CTNNA3: variants seen among roughly 807,000 people sequenced by gnomAD.
CTNNA3 encodes the protein catenin alpha 3.
CTNNA3 carries 76 observed loss-of-function variants against 95.7 expected under a neutral mutation model. The observed-to-expected ratio is 0.79, with a 90% CI of 0.66 to 0.96. The LOEUF (loss-of-function observed/expected upper bound fraction) is 0.96. CTNNA3 is among the 40% of genes least tolerant of loss of function. CTNNA3 has a pLI of 0.00. For synonymous variants in CTNNA3, 431 were observed against 374.4 expected, an observed-to-expected ratio of 1.15 and a Z score of -1.74; for missense variants, 1,191 against 1,089.8, an observed-to-expected ratio of 1.09 and a Z score of -1.31.
intron 4 of CTNNA3, among the ~76,000 whole-genome samples, chr10:67,524,106 A>C (rs1655273403): frequency 6.6e-6 from 1 of 152,216 alleles, no homozygotes; most frequent in Non-Finnish European, 1.5e-5. Flanking sequence ...ACACACTTGT[A>C]AAGAGTGTTC....
chr10:66,766,114 A>T, intron 9 of CTNNA3, 150 bp downstream of exon 9: 1 of 661,224 alleles, frequency 1.5e-6, no homozygotes, highest in Non-Finnish European at 2.6e-6. Flanking sequence ...ATACAATCGG[A>T]CATATACACC....
At chr10:67,443,306 T>C (rs1177360816) in intron 5 of CTNNA3, among the ~76,000 whole-genome samples, 5 of 148,652 alleles carry the variant, frequency 3.4e-5, no homozygotes, top group Non-Finnish European at 4.5e-5. Flanking sequence ...TTTGGGTATA[T>C]ACCCAGTAAT....
intron 13 of CTNNA3, among the ~76,000 whole-genome samples, chr10:66,150,029 A>G (rs2084110901): frequency 6.6e-6 from 1 of 152,148 alleles, no homozygotes; most frequent in African/African-American, 2.4e-5. Context: ...TCCACAATGA[A>G]CTTATTTTGG....
chr10:67,446,834 G>A (rs1846767314), intron 5 of CTNNA3, among the ~76,000 whole-genome samples: 1 of 152,126 alleles, frequency 6.6e-6, no homozygotes. Flanking sequence ...GGCCAGGCAT[G>A]GTGGCTCACG....
chr10:66,305,232 G>T (rs2091916118), intron 12 of CTNNA3, among the ~76,000 whole-genome samples: 2 of 152,126 alleles, frequency 1.3e-5, no homozygotes, highest in Non-Finnish European at 2.9e-5. Context: ...GTTATTAGTT[G>T]TATTACTTTT....
At chr10:66,527,804 G>A (rs933461294) in intron 10 of CTNNA3, among the ~76,000 whole-genome samples, 4 of 151,952 alleles carry the variant, frequency 2.6e-5, no homozygotes, top group Non-Finnish European at 5.9e-5. Context: ...ACTGAATTCT[G>A]TTATTAGTTT....
chr10:67,157,934 A>C (rs1013462444), intron 7 of CTNNA3, among the ~76,000 whole-genome samples: 1 of 152,338 alleles, frequency 6.6e-6, no homozygotes, highest in East Asian at 1.9e-4. Context: ...CAAAAACTGT[A>C]TAACAGTACC....
intron 13 of CTNNA3, among the ~76,000 whole-genome samples, chr10:66,127,929 G>A (rs2082900203): frequency 6.6e-6 from 1 of 152,026 alleles, no homozygotes; most frequent in South Asian, 2.1e-4. Context: ...ACAATTAGCT[G>A]GGCGTAGTGG....
chr10:66,206,842 T>C (rs2087790172), intron 13 of CTNNA3, among the ~76,000 whole-genome samples: 1 of 151,916 alleles, frequency 6.6e-6, no homozygotes, highest in Non-Finnish European at 1.5e-5. Context: ...AGAATCAGAC[T>C]GACCAGCATC....
chr10:67,527,471 T>C lies in CTNNA3; in HGVS notation c.460-5510A>G, dbSNP rs567543476. On this transcript the variant is annotated intron_variant, in intron 4 of 17. Coordinates refer to ENST00000433211, the MANE Select transcript of CTNNA3 (RefSeq NM_013266.4). ...GACCAACAATTAACACCAGAAGCAA[T>C]AGCCAACATCATAGACATCTGAACT... Among the ~76,000 whole-genome samples, 5 of 152,258 alleles carry C rather than the reference T, an allele frequency of 3.3e-5. No individual in the cohort carries two copies. The East Asian group carries it at 7.7e-4, about 24-fold the overall frequency.
chr10:67,687,285 T>C (rs755414031), intron 1 of CTNNA3, among the ~76,000 whole-genome samples: 31 of 152,226 alleles, frequency 2.0e-4, no homozygotes, highest in Non-Finnish European at 3.4e-4. Flanking sequence ...GATCATCTGG[T>C]TGGGGGCTTC....
chr10:66,026,403 A>C (rs1301980458), intron 15 of CTNNA3, among the ~76,000 whole-genome samples: 1 of 152,160 alleles, frequency 6.6e-6, no homozygotes, highest in African/African-American at 2.4e-5. Context: ...CTTCCGGTTT[A>C]GTCTCGATTG....
chr10:67,460,671 T>C (rs1456960456), intron 5 of CTNNA3, among the ~76,000 whole-genome samples: 1 of 152,150 alleles, frequency 6.6e-6, no homozygotes, highest in Non-Finnish European at 1.5e-5. Flanking sequence ...CCAAGTGTCC[T>C]GAGACTCTTC....
chr10:67,528,660 T>C lies in CTNNA3; in HGVS notation c.460-6699A>G, dbSNP rs536506756. 1.9e-4 allele frequency among the ~76,000 whole-genome samples: 29 copies of C among 152,310 alleles called. No homozygotes were observed. In the East Asian group the frequency reaches 5.2e-3, roughly 27 times the overall value. Reference sequence around the variant, plus strand: ...TGTACCAACCTCTACCATAATAACATATTGTTAATTTACTTTTTATCTAGT... The same window carrying C: ...TGTACCAACCTCTACCATAATAACACATTGTTAATTTACTTTTTATCTAGT... On this transcript the variant is annotated intron_variant, in intron 4 of 17. Coordinates refer to ENST00000433211, the MANE Select transcript of CTNNA3 (RefSeq NM_013266.4).
chr10:66,498,551 TGTTA>T (rs1471883665), intron 11 of CTNNA3, among the ~76,000 whole-genome samples: 2 of 152,160 alleles, frequency 1.3e-5, no homozygotes, highest in Non-Finnish European at 2.9e-5. Context: ...TCGTATCACT[TGTTA>T]GTGTCTAATT....
At chr10:65,921,880 A>G (rs1280563244) in intron 17 of CTNNA3, among the ~76,000 whole-genome samples, 1 of 152,222 alleles carries the variant, frequency 6.6e-6, no homozygotes, top group Non-Finnish European at 1.5e-5. Flanking sequence ...TTGAAAGACA[A>G]ATGTCAAGAG....
intron 17 of CTNNA3, among the ~76,000 whole-genome samples, chr10:65,963,727 A>G (rs527803114): frequency 6.6e-6 from 1 of 152,320 alleles, no homozygotes; most frequent in East Asian, 1.9e-4. Flanking sequence ...ATTCATAGTA[A>G]TGGATTTGAA....
intron 11 of CTNNA3, among the ~76,000 whole-genome samples, chr10:66,480,578 T>G (rs10997164): frequency 0.34 from 51,490 of 151,978 alleles, 10,254 homozygotes; most frequent in Non-Finnish European, 0.43. Context: ...TATTACATAA[T>G]TTTCAGATGT....
At chr10:67,114,933 C>A (rs1859095974) in intron 7 of CTNNA3, among the ~76,000 whole-genome samples, 1 of 152,010 alleles carries the variant, frequency 6.6e-6, no homozygotes, top group African/African-American at 2.4e-5. Context: ...AAGAAGACCC[C>A]AGGAAGAGTG....
Sources: allele counts gnomAD v4.1 joint callset (sites outside exome capture counted in the v4.1 genomes callset), GRCh38; gene constraint gnomAD v4.1.1; transcripts MANE v1.5; gene names NCBI Gene and HGNC (gene_info 2026-07-23, HGNC 2026-07-21).